TSHR: variants seen among roughly 807,000 people sequenced by gnomAD.
The protein encoded by TSHR is thyrotropin receptor.
Under a neutral mutation model 64.1 loss-of-function variants are expected in TSHR, and 51 were observed. The ratio of observed to expected loss-of-function variants is 0.80; its 90% CI spans 0.64 to 1.01. The LOEUF is 1.01. Among genes scored for constraint, TSHR ranks in the 50% least tolerant of loss-of-function variants. TSHR has a pLI of 0.00. For synonymous variants in TSHR, 361 were observed against 361.9 expected (o/e 1.00, Z 0.03); for missense variants, 877 against 942.8 (o/e 0.93, Z 0.91).
At chr14:81,131,780 T>G (rs143596953) in intron 8 of TSHR, among the ~76,000 whole-genome samples, 1 of 152,336 alleles carries the variant, frequency 6.6e-6, no homozygotes, top group African/African-American at 2.4e-5. Context: ...CTCTGCCTTT[T>G]CTCTTCCCTG....
At chr14:81,085,647 T>C (rs1888233491) in intron 3 of TSHR, among the ~76,000 whole-genome samples, 1 of 152,168 alleles carries the variant, frequency 6.6e-6, no homozygotes, top group South Asian at 2.1e-4. Context: ...GTGGGCTGCA[T>C]TTTCTTTCAC....
At chr14:81,127,231 TACTCCTAGATCAGGTGGG>T (rs1455205521) in intron 8 of TSHR, among the ~76,000 whole-genome samples, 1 of 152,234 alleles carries the variant, frequency 6.6e-6, no homozygotes, top group Non-Finnish European at 1.5e-5. Context: ...TCTGGGAGTT[TACTCCTAGATCAGGTGGG>T]AGGAAATAAT....
At chr14:81,045,876 G>A (rs913459925) in intron 1 of TSHR, among the ~76,000 whole-genome samples, 1 of 152,158 alleles carries the variant, frequency 6.6e-6, no homozygotes, top group African/African-American at 2.4e-5. Context: ...AGGAATTGGG[G>A]TAAGAGATAG....
At chr14:81,123,143 T>G (rs1002829064) in intron 8 of TSHR, among the ~76,000 whole-genome samples, 1 of 107,106 alleles carries the variant, frequency 9.3e-6, no homozygotes, top group South Asian at 3.0e-4. Flanking sequence ...AAAAAAAAAT[T>G]AACACTTAAT....
chr14:80,964,221 C>G (rs1887182517), intron 1 of TSHR, among the ~76,000 whole-genome samples: 1 of 152,158 alleles, frequency 6.6e-6, no homozygotes, highest in African/African-American at 2.4e-5. Flanking sequence ...CCTCAACAAT[C>G]AGATCAGTTT....
At chr14:81,113,942 G>A (rs1049990226) in intron 8 of TSHR, among the ~76,000 whole-genome samples, 1 of 152,038 alleles carries the variant, frequency 6.6e-6, no homozygotes, top group Non-Finnish European at 1.5e-5. Flanking sequence ...AAGACTCAAG[G>A]AGAATAAGCA....
chr14:81,096,196 T>A (rs1026408722), intron 6 of TSHR, among the ~76,000 whole-genome samples: 1 of 152,096 alleles, frequency 6.6e-6, no homozygotes, highest in Non-Finnish European at 1.5e-5. Flanking sequence ...AAAGGTGAAA[T>A]AACATTTAAA....
Position 81,144,292 on chromosome 14 carries a change from C to G in TSHR, c.2234C>G (p.Ser745Cys), listed in dbSNP as rs371176958. ...MEDVYELIEN[S>C]HLTPKKQGQI... ...GATGTCTATGAACTGATTGAAAACTCCCATCTAACCCCAAAGAAGCAAGGC... is the reference window on the plus strand; with the variant it reads ...GATGTCTATGAACTGATTGAAAACTGCCATCTAACCCCAAAGAAGCAAGGC... Residue 745 changes from serine to cysteine, a missense_variant, in exon 10 of 10, where the codon TCC (serine) becomes TGC (cysteine). Transcript: ENST00000298171. The G allele has an allele frequency of 1.4e-4, 227 of 1,614,142 alleles. No individual in the cohort carries two copies. The highest frequency in any genetic ancestry group is 1.8e-4 in the Non-Finnish European group (210 of 1,180,014).
chr14:81,024,833 C>T (rs530586735), intron 1 of TSHR, among the ~76,000 whole-genome samples: 31 of 152,270 alleles, frequency 2.0e-4, no homozygotes, highest in African/African-American at 7.0e-4. Flanking sequence ...CTTTCAGCAA[C>T]ACTAATGGCA....
chr14:81,073,353 T>C (rs1391964106), intron 3 of TSHR, among the ~76,000 whole-genome samples: 1 of 151,968 alleles, frequency 6.6e-6, no homozygotes, highest in Non-Finnish European at 1.5e-5. Context: ...ATAAAAAGAT[T>C]TGAACATAAT....
chr14:80,995,803 C>T (rs759333083), intron 1 of TSHR: 1 of 150,492 alleles, frequency 6.6e-6, no homozygotes, highest in Non-Finnish European at 1.5e-5. Context: ...TGTAACAAAC[C>T]TGCACTTGTA....
At chr14:81,140,670 T>C (rs1298443954) in intron 9 of TSHR, among the ~76,000 whole-genome samples, 3 of 152,222 alleles carry the variant, frequency 2.0e-5, no homozygotes, top group Admixed American at 2.0e-4. Context: ...TTGTGTCTTG[T>C]ACAATCTCCT....
At chr14:81,088,552 AG>A in intron 4 of TSHR, among the ~76,000 whole-genome samples, 1 of 152,318 alleles carries the variant, frequency 6.6e-6, no homozygotes, top group East Asian at 1.9e-4. Flanking sequence ...CCATGAATCC[AG>A]GGACCACAAC....
intron 5 of TSHR, 122 bp downstream of exon 5, chr14:81,091,265 C>G: frequency 1.1e-6 from 1 of 870,172 alleles, no homozygotes; most frequent in Non-Finnish European, 1.9e-6. Context: ...AAGCAATGAT[C>G]AGGTGTGACT....
At chr14:81,061,197 C>T (rs544536715) in intron 1 of TSHR, among the ~76,000 whole-genome samples, 10 of 152,186 alleles carry the variant, frequency 6.6e-5, no homozygotes, top group African/African-American at 2.2e-4. Flanking sequence ...ATTTTTAATC[C>T]TTAAGATTTA....
At chr14:81,142,841 C>T in intron 9 of TSHR, 99 bp from the exon 10 acceptor site, 3 of 1,051,594 alleles carry the variant, frequency 2.9e-6, no homozygotes, top group Non-Finnish European at 4.4e-6. Flanking sequence ...AACTCCTAGG[C>T]TCAAGCAATC....
chr14:80,991,524 C>T, intron 1 of TSHR: 1 of 398,330 alleles, frequency 2.5e-6, no homozygotes, highest in Non-Finnish European at 4.4e-6. Context: ...ACCATTCTTT[C>T]CAAATTTTAT....
intron 1 of TSHR, among the ~76,000 whole-genome samples, chr14:80,996,932 G>A (rs541316968): frequency 6.6e-6 from 1 of 152,196 alleles, no homozygotes; most frequent in African/African-American, 2.4e-5. Flanking sequence ...AAATCATTAA[G>A]CTACTGAATG....
intron 1 of TSHR, among the ~76,000 whole-genome samples, chr14:80,964,244 G>A (rs1051769490): frequency 1.3e-5 from 2 of 152,164 alleles, no homozygotes; most frequent in Admixed American, 6.5e-5. Flanking sequence ...ATGAGGCCAA[G>A]ACCATTCAGA....
Sources: allele counts gnomAD v4.1 joint callset (sites outside exome capture counted in the v4.1 genomes callset), GRCh38; gene constraint gnomAD v4.1.1; transcripts MANE v1.5; gene names NCBI Gene and HGNC (gene_info 2026-07-23, HGNC 2026-07-21).